Variants in GSTM3 observed in about 807,000 individuals in gnomAD.
The protein encoded by GSTM3 is glutathione S-transferase mu 3.
Under a neutral mutation model 36.1 loss-of-function variants are expected in GSTM3, and 34 were observed. The ratio of observed to expected loss-of-function variants is 0.94; its 90% CI spans 0.72 to 1.25. The LOEUF is 1.25. Ranked by LOEUF, GSTM3 falls within the 50% of genes most tolerant of loss-of-function variation. The pLI, the probability that GSTM3 is intolerant of heterozygous loss-of-function variation, is 0.00. For synonymous variants in GSTM3, 102 were observed against 99.5 expected (o/e 1.03, Z -0.15); for missense variants, 266 against 281.6 (o/e 0.94, Z 0.40).
intron 8 of GSTM3, 139 bp downstream of exon 8, chr1:109,737,318 C>T (rs1649230821): frequency 1.2e-6 from 1 of 815,398 alleles, no homozygotes; most frequent in African/African-American, 1.7e-5. Flanking sequence ...AGGCTCTTCC[C>T]AAGACTTAAA....
chr1:109,739,913 G>A lies in GSTM3; in HGVS notation c.49-5C>T. The stretch of plus-strand genomic sequence containing the variant: ...CAGGCGGATGGCGTGCGCCAGCTGG[G>A]GAAGACAGCGGTTCAGCGACTGCGC... On this transcript the variant is annotated splice_polypyrimidine_tract_variant and splice_region_variant and intron_variant, in intron 2 of 8. Transcript: ENST00000361066. 1.3e-6 allele frequency: 2 copies of A among 1,550,562 alleles called. No individual in the cohort carries two copies. Among genetic ancestry groups the A allele is most frequent in the East Asian group, 2.4e-5 (1 of 41,006 alleles).
intron 8 of GSTM3, 64 bp from the exon 9 acceptor site, chr1:109,737,233 A>C: frequency 8.9e-7 from 1 of 1,126,988 alleles, no homozygotes; most frequent in Non-Finnish European, 1.4e-6. Context: ...GCATACCAGA[A>C]CAGCAACATT....
Position 109,738,171 on chromosome 1 carries a change from TTTC to T in GSTM3, c.289_291del (p.Glu97del), listed in dbSNP as rs750159370. On this transcript the variant is annotated inframe_deletion, in exon 6 of 9. Transcript: ENST00000361066. The stretch of plus-strand genomic sequence containing the variant: ...TTCTCTATGATGTCCACTCGAATCT[TTTC>T]TTCTTCAGTCTCACCACCTGTAGGC... The T allele has an allele frequency of 1.9e-6, 3 of 1,613,622 alleles. No homozygotes were observed. The highest frequency in any genetic ancestry group is 2.5e-6 in the Non-Finnish European group (3 of 1,179,578).
rs893104087 is a variant in GSTM3 at position 109,739,444 on chromosome 1, G to A, written c.174C>T (p.Asp58=). The A allele has an allele frequency of 1.2e-6, 2 of 1,612,096 alleles. No individual in the cohort carries two copies. The highest frequency in any genetic ancestry group is 1.7e-5 in the Admixed American group (1 of 59,966). ...SQWLDVKFKL[D]LDFPNLPYLL... ...AGCCACTTACATTAGGAAAGTCCAG[G>A]TCTAGCTTGAATTTCACATCCAGCC... The change falls in exon 4 of 9, where the codon GAC becomes GAT. Residue 58 remains aspartate (D), a synonymous_variant. Transcript: ENST00000361066.
chr1:109,738,238 A>G (rs1196687925), intron 5 of GSTM3, 47 bp from the exon 6 acceptor site: 3 of 1,599,470 alleles, frequency 1.9e-6, no homozygotes, highest in Non-Finnish European at 2.6e-6. Flanking sequence ...ATCCACTCTC[A>G]GACAAACTAC....
chr1:109,740,301 CG>C lies in GSTM3; in HGVS notation c.-15del, dbSNP rs1306389916. 6.2e-7 allele frequency: 1 copy of C among 1,611,846 alleles called. No individual in the cohort carries two copies. Among genetic ancestry groups the C allele is most frequent in the Non-Finnish European group, 8.5e-7 (1 of 1,178,472 alleles). On this transcript the variant is annotated 5_prime_UTR_variant, in exon 2 of 9. Coordinates refer to ENST00000361066, the MANE Select transcript of GSTM3 (RefSeq NM_000849.5). ...CTCGCACGACATGGTGACGGGCTTC[CG>C]AGCCTTCGAGGACTAGGGAAACTGT... is the stretch of plus-strand genomic sequence containing the variant.
Position 109,734,151 on chromosome 1 carries a change from C to T in GSTM3, c.*2920G>A, listed in dbSNP as rs1649141701. 1 of 152,190 alleles carries T rather than the reference C, an allele frequency of 6.6e-6. No homozygotes were observed. The highest frequency in any genetic ancestry group is 1.9e-4 in the East Asian group (1 of 5,188). The allele number at this position is 152,190 out of a possible 1,614,324, so 9.4% of individuals were successfully genotyped here. On this transcript the variant is annotated 3_prime_UTR_variant, in exon 9 of 9. Coordinates refer to ENST00000361066, the MANE Select transcript of GSTM3 (RefSeq NM_000849.5). ...TGCCTAAGTTTTGCCAAAGGGACTC[C>T]ATCTTGGTTATTACCCATGAGTGCC...
chr1:109,738,184 C>G lies in GSTM3; in HGVS notation c.279G>C (p.Glu93Asp). The G allele has an allele frequency of 6.2e-7, 1 of 1,612,824 alleles. No individual in the cohort carries two copies. The highest frequency in any genetic ancestry group is 8.5e-7 in the Non-Finnish European group (1 of 1,178,764). The change falls in exon 6 of 9, where the codon GAG becomes GAC. Residue 93 changes from glutamate to aspartate, a missense_variant. Transcript: ENST00000361066. ...CCACTCGAATCTTTTCTTCTTCAGTCTCACCACCTGTAGGCCAAATGACAA... is the reference window on the plus strand; with the variant it reads ...CCACTCGAATCTTTTCTTCTTCAGTGTCACCACCTGTAGGCCAAATGACAA... ...YIARKHNMCG[E>D]TEEEKIRVDI...
intron 8 of GSTM3, 101 bp from the exon 9 acceptor site, chr1:109,737,270 C>T: frequency 1.1e-6 from 1 of 903,216 alleles, no homozygotes; most frequent in Non-Finnish European, 1.8e-6. Flanking sequence ...CTACCTCCTC[C>T]ATTTTTTTGT....
At chr1:109,740,610 C>T in intron 1 of GSTM3, 99 bp from the exon 2 acceptor site, 1 of 378,894 alleles carries the variant, frequency 2.6e-6, no homozygotes, top group Non-Finnish European at 4.8e-6. Flanking sequence ...ACGCGAAAAG[C>T]ACCACTAGCC....
Position 109,739,435 on chromosome 1 carries a change from A to G in GSTM3, c.183T>C (p.Phe61=), listed in dbSNP as rs754033213. 5.0e-6 allele frequency: 8 copies of G among 1,610,980 alleles called. No individual in the cohort carries two copies. The highest frequency in any genetic ancestry group is 1.7e-4 in the Middle Eastern group (1 of 6,034). Residue 61 remains phenylalanine (F), a synonymous_variant, in exon 4 of 9, where the codon TTT becomes TTC. Coordinates refer to ENST00000361066, the MANE Select transcript of GSTM3 (RefSeq NM_000849.5). ...CTCTACTAAAGCCACTTACATTAGG[A>G]AAGTCCAGGTCTAGCTTGAATTTCA... ...LDVKFKLDLD[F]PNLPYLLDGK...
Position 109,740,424 on chromosome 1 carries a change from G to A in GSTM3, c.-137C>T. The A allele has an allele frequency of 1.4e-6, 1 of 715,170 alleles. No individual in the cohort carries two copies. 44.3% of individuals were successfully genotyped at this position (715,170 alleles called of 1,614,324 possible). A position where few individuals can be genotyped will look rare whatever the true frequency, so the allele number is the denominator to read the frequency against. ...CCCGTTCTCCGTCCCTTGCCTCCGCGGCTCCACAGGGCCGTGCGCAGGCGC... is the reference window on the plus strand; with the variant it reads ...CCCGTTCTCCGTCCCTTGCCTCCGCAGCTCCACAGGGCCGTGCGCAGGCGC... On this transcript the variant is annotated 5_prime_UTR_variant, in exon 2 of 9. Coordinates refer to ENST00000361066, the MANE Select transcript of GSTM3 (RefSeq NM_000849.5).
chr1:109,737,774 G>C, intron 6 of GSTM3, 23 bp from the exon 7 acceptor site: 3 of 1,339,920 alleles, frequency 2.2e-6, no homozygotes, highest in Non-Finnish European at 3.2e-6. Context: ...AACAGAATGA[G>C]AATAGTGGTG....
In GSTM3 at chr1:109,737,651, C is replaced by A. The variant is rs1158725690; in HGVS notation, c.468+5G>T. On this transcript the variant is annotated splice_donor_5th_base_variant and intron_variant, in intron 7 of 8. Transcript: ENST00000361066. ...AAGTATCCTCTTCTTTTCCCTTCTT[C>A]CTACCTTTTCCCCGGCAAACCATGA... The A allele has an allele frequency of 1.3e-6, 2 of 1,594,914 alleles. No individual in the cohort carries two copies. Among genetic ancestry groups the A allele is most frequent in the African/African-American group, 1.3e-5 (1 of 74,380 alleles).
chr1:109,739,141 A>C (rs1649294796), intron 4 of GSTM3, among the ~76,000 whole-genome samples: 1 of 152,156 alleles, frequency 6.6e-6, no homozygotes, highest in African/African-American at 2.4e-5. Flanking sequence ...AACAAGAAAC[A>C]CACAAAAAAG....
chr1:109,737,638 C>T lies in GSTM3; in HGVS notation c.468+18G>A, dbSNP rs112188845. On this transcript the variant is annotated intron_variant, in intron 7 of 8. Coordinates refer to ENST00000361066, the MANE Select transcript of GSTM3 (RefSeq NM_000849.5). ...TGCAGAGATAGAGAAGTATCCTCTT[C>T]TTTTCCCTTCTTCCTACCTTTTCCC... The T allele has an allele frequency of 6.4e-7, 1 of 1,556,614 alleles. No individual in the cohort carries two copies. Among genetic ancestry groups the T allele is most frequent in the Non-Finnish European group, 8.8e-7 (1 of 1,131,846 alleles).
Position 109,734,127 on chromosome 1 carries a change from G to T in GSTM3, c.*2944C>A, listed in dbSNP as rs921756262. 1 of 152,188 alleles carries T rather than the reference G, an allele frequency of 6.6e-6. No individual in the cohort carries two copies. Among genetic ancestry groups the T allele is most frequent in the African/African-American group, 2.4e-5 (1 of 41,434 alleles). 9.4% of individuals were successfully genotyped at this position (152,188 alleles called of 1,614,324 possible). ...TTCTTGGGGTACTACAGCTGTGCAT[G>T]CCTAAGTTTTGCCAAAGGGACTCCA... On this transcript the variant is annotated 3_prime_UTR_variant, in exon 9 of 9. Transcript: ENST00000361066.
At chr1:109,739,290 A>G (rs919570906) in intron 4 of GSTM3, 139 bp downstream of exon 4, 2 of 556,242 alleles carry the variant, frequency 3.6e-6, no homozygotes, top group Non-Finnish European at 3.3e-6. Context: ...ATCCAGTTCA[A>G]GGACCCCTGA....
chr1:109,740,312 G>T lies in GSTM3; in HGVS notation c.-25C>A. 1 of 1,609,704 alleles carries T rather than the reference G, an allele frequency of 6.2e-7. No individual in the cohort carries two copies. Among genetic ancestry groups the T allele is most frequent in the Non-Finnish European group, 8.5e-7 (1 of 1,176,612 alleles). On this transcript the variant is annotated 5_prime_UTR_variant, in exon 2 of 9. Transcript: ENST00000361066. ...TGGTGACGGGCTTCCGAGCCTTCGA[G>T]GACTAGGGAAACTGTGAGCGGGAGG...
Sources: allele counts gnomAD v4.1 joint callset (sites outside exome capture counted in the v4.1 genomes callset), GRCh38; gene constraint gnomAD v4.1.1; transcripts MANE v1.5; gene names NCBI Gene and HGNC (gene_info 2026-07-23, HGNC 2026-07-21).